Variants in BRPF1 observed in about 807,000 individuals in gnomAD.
BRPF1 encodes the protein bromodomain and PHD finger containing 1.
A neutral mutation model predicts 115.0 loss-of-function variants in BRPF1; 15 were observed. The ratio of observed to expected loss-of-function variants is 0.13; its 90% CI spans 0.09 to 0.20. The LOEUF is 0.20. Among genes scored for constraint, BRPF1 ranks in the 10% least tolerant of loss-of-function variants. BRPF1 has a pLI of 1.00. For missense variants in BRPF1, 1,118 were observed against 1,638.3 expected, an observed-to-expected ratio of 0.68 and a Z score of 5.48; for synonymous variants, 647 against 619.8, an observed-to-expected ratio of 1.04 and a Z score of -0.65.
At chr3:9,739,991 G>T in intron 3 of BRPF1, 33 bp downstream of exon 3, 1 of 1,521,148 alleles carries the variant, frequency 6.6e-7, no homozygotes, top group South Asian at 1.3e-5. Context: ...GGCAGATGAG[G>T]GAGAAAGGAG....
chr3:9,740,957 C>A lies in BRPF1; in HGVS notation c.1722+16C>A. Reference sequence around the variant, plus strand: ...CCAAGTTGGGGTACTGTGTCCAGTTCCCTGTGGGCTCTGGGAACTAGCGCC... The same window carrying A: ...CCAAGTTGGGGTACTGTGTCCAGTTACCTGTGGGCTCTGGGAACTAGCGCC... On this transcript the variant is annotated intron_variant, in intron 4 of 13. Coordinates refer to ENST00000383829, the MANE Select transcript of BRPF1 (RefSeq NM_001003694.2). The A allele has an allele frequency of 6.2e-7, 1 of 1,604,244 alleles. No homozygotes were observed. The highest frequency in any genetic ancestry group is 8.5e-7 in the Non-Finnish European group (1 of 1,176,256).
rs762630831 is a variant in BRPF1 at position 9,747,400 on chromosome 3, CT to C, written c.*54del. On this transcript the variant is annotated 3_prime_UTR_variant, in exon 14 of 14. Transcript: ENST00000383829. The surrounding 1 kb of genome is among the most constrained non-coding windows in gnomAD (Gnocchi z 5.6). The stretch of plus-strand genomic sequence containing the variant: ...AGTGCCCTGTGACTTCTCTCCTCCC[CT>C]TTGCTCACTGTCCTGGAGTGGCACC... 1 of 1,589,738 alleles carries C rather than the reference CT, an allele frequency of 6.3e-7. No individual in the cohort carries two copies.
chr3:9,737,373 A>G (rs1559657451), intron 2 of BRPF1, among the ~76,000 whole-genome samples: 1 of 152,264 alleles, frequency 6.6e-6, no homozygotes, highest in East Asian at 1.9e-4. Context: ...CTTGCTGCAC[A>G]CCAGGCACTG....
At position 9,734,188 on chromosome 3, in the gene BRPF1, G is replaced by T. The variant is rs757099971; in HGVS notation, c.48G>T (p.Ala16=). Residue 16 remains alanine (A), a synonymous_variant, in exon 2 of 14, where the codon GCG becomes GCT. Coordinates refer to ENST00000383829, the MANE Select transcript of BRPF1 (RefSeq NM_001003694.2). The surrounding 1 kb of genome is among the most constrained non-coding windows in gnomAD (Gnocchi z 5.7). ...DVKTFCHNLR[A]TKPPYECPVE... ...AGACTTTCTGCCACAACTTGCGGGC[G>T]ACTAAGCCACCATACGAGTGCCCGG... The T allele has an allele frequency of 4.3e-6, 7 of 1,613,030 alleles. No homozygotes were observed. Among genetic ancestry groups the T allele is most frequent in the Middle Eastern group, 1.6e-4 (1 of 6,078 alleles).
At chr3:9,740,965 G>A in intron 4 of BRPF1, 24 bp downstream of exon 4, 8 of 1,600,522 alleles carry the variant, frequency 5.0e-6, no homozygotes, top group Non-Finnish European at 6.8e-6. Flanking sequence ...TTCCCTGTGG[G>A]CTCTGGGAAC....
chr3:9,739,008 G>C lies in BRPF1; in HGVS notation c.609G>C (p.Glu203Asp), dbSNP rs1207266175. Reference protein sequence around the residue: ...PRPTSYYRYIEKSAEELDEEV... With the variant: ...PRPTSYYRYIDKSAEELDEEV... ...CCTGTTTGTACCGTAGGTACATCGA[G>C]AAGTCTGCAGAGGAGCTGGACGAGG... Residue 203 changes from glutamate to aspartate, a missense_variant, in exon 3 of 14, where the codon GAG becomes GAC. Transcript: ENST00000383829. The C allele has an allele frequency of 6.4e-7, 1 of 1,565,512 alleles. No individual in the cohort carries two copies. Among genetic ancestry groups the C allele is most frequent in the African/African-American group, 1.4e-5 (1 of 73,440 alleles).
In BRPF1 at chr3:9,739,126, G is replaced by C. The variant is rs1428195355; in HGVS notation, c.727G>C (p.Glu243Gln). Residue 243 changes from glutamate to glutamine, a missense_variant, in exon 3 of 14, where the codon GAG (glutamate) becomes CAG (glutamine). By Grantham distance (29) the Glu-to-Gln change is conservative. Transcript: ENST00000383829. ...KTEGVSPIPQ[E>Q]IFEYLMDRLE... is the part of the protein sequence containing the mutation. ...AGAGGGTGTAAGTCCCATCCCGCAG[G>C]AGATCTTTGAGTACCTAATGGACCG... The C allele has an allele frequency of 6.2e-7, 1 of 1,614,052 alleles. No individual in the cohort carries two copies. Among genetic ancestry groups the C allele is most frequent in the Non-Finnish European group, 8.5e-7 (1 of 1,179,972 alleles).
At chr3:9,742,574 CT>C (rs952745674) in intron 6 of BRPF1, 2 of 981,114 alleles carry the variant, frequency 2.0e-6, no homozygotes, top group African/African-American at 3.5e-5. Context: ...CAGCAGCCTC[CT>C]TATAAGTTAC....
intron 1 of BRPF1, chr3:9,733,208 ATAAAG>A (rs1279412910): frequency 6.6e-6 from 1 of 152,210 alleles, no homozygotes; most frequent in Non-Finnish European, 1.5e-5. Flanking sequence ...CAGGCTCCCC[ATAAAG>A]ACCTCAAAAG....
Position 9,744,344 on chromosome 3 carries a change from A to G in BRPF1, c.2756A>G (p.Lys919Arg), listed in dbSNP as rs1454075853. ...CCCAAGAGGCCGGGCCGGCCCCCCAAAAACCGGGAGAGCCAGATGACCCCC... is the reference window on the plus strand; with the variant it reads ...CCCAAGAGGCCGGGCCGGCCCCCCAGAAACCGGGAGAGCCAGATGACCCCC... The part of the protein sequence containing the change: ...GPPKRPGRPP[K>R]NRESQMTPSH... The change falls in exon 9 of 14, where the codon AAA (lysine) becomes AGA (arginine). Residue 919 changes from lysine to arginine, a missense_variant. This residue lies in a region of BRPF1 where 92 missense variants were observed against 102.2 expected (regional missense o/e 0.90). Coordinates refer to ENST00000383829, the MANE Select transcript of BRPF1 (RefSeq NM_001003694.2). 1.2e-6 allele frequency: 2 copies of G among 1,613,380 alleles called. No homozygotes were observed. Among genetic ancestry groups the G allele is most frequent in the Admixed American group, 1.7e-5 (1 of 59,920 alleles).
At chr3:9,742,423 A>T in intron 6 of BRPF1, 1 of 985,436 alleles carries the variant, frequency 1.0e-6, no homozygotes, top group Non-Finnish European at 1.2e-6. Context: ...GAATAATCCC[A>T]GGGCAGGAAG....
rs2077091640 is a variant in BRPF1, at chr3:9,744,646, C to T, written c.2920+138C>T. 9 of 682,944 alleles carry T rather than the reference C, an allele frequency of 1.3e-5. No individual in the cohort carries two copies. The East Asian group carries it at 1.5e-4, about 11-fold the overall frequency. 42.3% of individuals were successfully genotyped at this position (682,944 alleles called of 1,614,324 possible). On this transcript the variant is annotated intron_variant, in intron 9 of 13. Transcript: ENST00000383829. ...CTTAGGAATCCTTTAACTCCACTCA[C>T]TCATCTTACAGTTGGGAAAACTGAG...
Position 9,742,054 on chromosome 3 carries a change from G to A in BRPF1, c.1884G>A (p.Met628Ile). The stretch of plus-strand genomic sequence containing the variant: ...AGGTTCAGCAGATTGCCATGGAGAT[G>A]CAGCTGACTCCTTTCCTCATCCTCC... ...TIKVQQIAME[M>I]QLTPFLILLR... Residue 628 changes from methionine to isoleucine, a missense_variant, in exon 6 of 14, where the codon ATG becomes ATA. By Grantham distance (10) the Met-to-Ile change is conservative (BLOSUM62 1). Transcript: ENST00000383829. 1 of 1,614,206 alleles carries A rather than the reference G, an allele frequency of 6.2e-7. No individual in the cohort carries two copies. The highest frequency in any genetic ancestry group is 8.5e-7 in the Non-Finnish European group (1 of 1,180,040).
rs141943801 is a variant in BRPF1, at chr3:9,743,666, C to T, written c.2400C>T (p.Asp800=). The change falls in exon 8 of 14, where the codon GAC becomes GAT. Residue 800 remains aspartate, a synonymous_variant. Coordinates refer to ENST00000383829, the MANE Select transcript of BRPF1 (RefSeq NM_001003694.2). This position sits in a 1 kb window ranked among gnomAD's most constrained non-coding sequence, Gnocchi z 6.1. Reference sequence around the variant, plus strand: ...TAAAGCTGCTTCTGGAGCGGCTGGACGAAGTGAATGCCAGCAAGCAGAGTG... The same window carrying T: ...TAAAGCTGCTTCTGGAGCGGCTGGATGAAGTGAATGCCAGCAAGCAGAGTG... The part of the protein sequence containing the change: ...EQLKLLLERL[D]EVNASKQSVG... 1.7e-5 allele frequency: 27 copies of T among 1,614,000 alleles called. No homozygotes were observed. The highest frequency in any genetic ancestry group is 1.6e-4 in the Middle Eastern group (1 of 6,084).
intron 2 of BRPF1, among the ~76,000 whole-genome samples, chr3:9,735,170 C>T (rs919757729): frequency 6.6e-6 from 1 of 152,004 alleles, no homozygotes; most frequent in Admixed American, 6.6e-5. Context: ...TGCCACCATG[C>T]CCAGCTAGTT....
intron 2 of BRPF1, among the ~76,000 whole-genome samples, chr3:9,738,448 C>T (rs1424842987): frequency 1.3e-5 from 2 of 152,230 alleles, no homozygotes; most frequent in Non-Finnish European, 2.9e-5. Context: ...AAACATAGCA[C>T]CTAGAGTTTG....
chr3:9,739,639 G>A lies in BRPF1; in HGVS notation c.1240G>A (p.Ala414Thr), dbSNP rs2076996518. 6.2e-7 allele frequency: 1 copy of A among 1,610,406 alleles called. No homozygotes were observed. Among genetic ancestry groups the A allele is most frequent in the Non-Finnish European group, 8.5e-7 (1 of 1,176,844 alleles). Residue 414 changes from alanine to threonine, a missense_variant, in exon 3 of 14, where the codon GCC becomes ACC. Coordinates refer to ENST00000383829, the MANE Select transcript of BRPF1 (RefSeq NM_001003694.2). ...TTACACAGCTTTCCATGTGACATGC[G>A]CCCAGCAGGCTGGCCTTTACATGAA... ...NCYTAFHVTCAQQAGLYMKME... is the reference protein window; with the variant it reads ...NCYTAFHVTCTQQAGLYMKME...
Position 9,734,158 on chromosome 3 carries a change from T to C in BRPF1, c.18T>C (p.Asp6=), listed in dbSNP as rs887553174. Residue 6 remains aspartate, a synonymous_variant, in exon 2 of 14, where the codon GAT becomes GAC. Coordinates refer to ENST00000383829, the MANE Select transcript of BRPF1 (RefSeq NM_001003694.2). This position sits in a 1 kb window ranked among gnomAD's most constrained non-coding sequence, Gnocchi z 5.7. ...GTGACAGCATGGGGGTGGACTTTGA[T>C]GTGAAGACTTTCTGCCACAACTTGC... The part of the protein sequence containing the change: MGVDF[D]VKTFCHNLRA... 1.6e-5 allele frequency: 26 copies of C among 1,609,182 alleles called. No individual in the cohort carries two copies. Among genetic ancestry groups the C allele is most frequent in the East Asian group, 2.2e-5 (1 of 44,794 alleles).
intron 3 of BRPF1, 35 bp from the exon 4 acceptor site, chr3:9,740,744 C>A: frequency 6.2e-7 from 1 of 1,608,696 alleles, no homozygotes. Flanking sequence ...GAATCAGGGC[C>A]CAACAAGTTT....
Sources: allele counts gnomAD v4.1 joint callset (sites outside exome capture counted in the v4.1 genomes callset), GRCh38; gene constraint gnomAD v4.1.1; regional missense constraint gnomAD v4.1.1; non-coding constraint Gnocchi (gnomAD v3.1); transcripts MANE v1.5; gene names NCBI Gene and HGNC (gene_info 2026-07-23, HGNC 2026-07-21).